GPC3: variants seen among roughly 807,000 people sequenced by gnomAD.
GPC3 encodes the protein glypican 3.
Under a neutral mutation model 34.4 loss-of-function variants are expected in GPC3, and 3 were observed. The observed-to-expected ratio is 0.09, with a 90% confidence interval of 0.04 to 0.23. The LOEUF is 0.23. GPC3 is among the 10% of genes least tolerant of loss of function. The probability of loss-of-function intolerance (pLI) is 1.00; values close to 1 mark genes in which losing one functional copy is unlikely to be tolerated. For synonymous variants in GPC3, 177 were observed against 174.0 expected, an observed-to-expected ratio of 1.02 and a Z score of -0.13; for missense variants, 351 against 445.6, an observed-to-expected ratio of 0.79 and a Z score of 1.91.
intron 2 of GPC3, among the ~76,000 whole-genome samples, chrX:133,762,469 G>T (rs887026646): frequency 5.4e-5 from 6 of 111,532 alleles, no homozygotes; most frequent in African/African-American, 1.6e-4. Flanking sequence ...ACTATGCATC[G>T]ACAAAGGTCT....
At chrX:133,616,443 C>A (rs1005278827) in intron 6 of GPC3, among the ~76,000 whole-genome samples, 2 of 111,516 alleles carry the variant, frequency 1.8e-5, no homozygotes, top group African/African-American at 3.3e-5. Context: ...TGGAAACACT[C>A]TTCAAATTGA....
chrX:133,550,311 G>C (rs781110396), intron 7 of GPC3, among the ~76,000 whole-genome samples: 4 of 110,864 alleles, frequency 3.6e-5, no homozygotes, highest in Non-Finnish European at 7.6e-5. Flanking sequence ...CACTGTGACC[G>C]GCCCCACAAT....
chrX:133,883,808 A>T (rs1406575506), intron 2 of GPC3, among the ~76,000 whole-genome samples: 2 of 112,063 alleles, frequency 1.8e-5, no homozygotes, highest in African/African-American at 6.5e-5. Context: ...AAGAAATGTT[A>T]TTCTTCAACA....
intron 2 of GPC3, among the ~76,000 whole-genome samples, chrX:133,756,769 G>A (rs1226050941): frequency 8.9e-6 from 1 of 112,647 alleles, no homozygotes; most frequent in Non-Finnish European, 1.9e-5. Context: ...AAGCTCATAT[G>A]TGCTCCCTGC....
intron 2 of GPC3, among the ~76,000 whole-genome samples, chrX:133,926,481 A>G (rs2076275193): frequency 8.9e-6 from 1 of 112,576 alleles, no homozygotes; most frequent in South Asian, 3.7e-4. Context: ...AGGGACAAAA[A>G]CAAAACAATG....
At chrX:133,635,831 T>TA (rs59085251) in intron 6 of GPC3, among the ~76,000 whole-genome samples, 202 of 93,014 alleles carry the variant, frequency 2.2e-3, no homozygotes, top group Middle Eastern at 6.0e-3. Flanking sequence ...TGTGTGTACA[T>TA]AAAAAAAAAA....
intron 2 of GPC3, among the ~76,000 whole-genome samples, chrX:133,893,443 TTTTA>T (rs202234234): frequency 0.048 from 5,381 of 111,864 alleles, 314 homozygotes; most frequent in African/African-American, 0.16. Context: ...AATTTTTGTC[TTTTA>T]TTTATTCTTT....
intron 1 of GPC3, among the ~76,000 whole-genome samples, chrX:133,975,582 TGCCCAGCTCTATAGCAG>T (rs2124649099): frequency 9.0e-6 from 1 of 111,139 alleles, no homozygotes; most frequent in South Asian, 3.9e-4. Flanking sequence ...CTCCACATGG[TGCCCAGCTCTATAGCAG>T]GCCACAGTCA....
intron 7 of GPC3, among the ~76,000 whole-genome samples, chrX:133,590,192 A>G (rs1440366666): frequency 6.3e-5 from 7 of 111,610 alleles, no homozygotes; most frequent in Non-Finnish European, 5.6e-5. Context: ...ATGAGGATGC[A>G]GGAAGAAGGC....
chrX:133,829,220 A>G (rs745521175), intron 2 of GPC3, among the ~76,000 whole-genome samples: 1 of 112,330 alleles, frequency 8.9e-6, no homozygotes, highest in Non-Finnish European at 1.9e-5. Context: ...ACGTTATTAG[A>G]GACAAAAAAA....
intron 2 of GPC3, among the ~76,000 whole-genome samples, chrX:133,952,561 A>C (rs1485600626): frequency 8.9e-6 from 1 of 112,229 alleles, no homozygotes; most frequent in Non-Finnish European, 1.9e-5. Flanking sequence ...GCATGGTAAG[A>C]AGTGAGAGTC....
intron 6 of GPC3, among the ~76,000 whole-genome samples, chrX:133,613,501 C>A (rs2070131140): frequency 8.9e-6 from 1 of 111,908 alleles, no homozygotes; most frequent in Non-Finnish European, 1.9e-5. Context: ...GTTTTCTCAT[C>A]TGTAGAACAG....
intron 7 of GPC3, among the ~76,000 whole-genome samples, chrX:133,568,158 GAGA>G (rs2069597776): frequency 8.9e-6 from 1 of 112,183 alleles, no homozygotes; most frequent in South Asian, 3.7e-4. Context: ...TTTAGAAACA[GAGA>G]AGGACAGCTC....
chrX:133,841,244 A>G (rs1159943559), intron 2 of GPC3, among the ~76,000 whole-genome samples: 1 of 19,192 alleles, frequency 5.2e-5, no homozygotes, highest in Non-Finnish European at 1.9e-4. Flanking sequence ...TTTTTGGTAG[A>G]GATGGGGTCT....
chrX:133,630,668 T>C (rs1428629839), intron 6 of GPC3, among the ~76,000 whole-genome samples: 1 of 111,756 alleles, frequency 8.9e-6, no homozygotes, highest in African/African-American at 3.3e-5. Context: ...AATATTTGGC[T>C]GTCGACAAGC....
At chrX:133,757,457 A>G (rs73564944) in intron 2 of GPC3, among the ~76,000 whole-genome samples, 6,916 of 111,510 alleles carry the variant, frequency 0.062, 564 homozygotes, top group African/African-American at 0.21. Flanking sequence ...AGGACATATA[A>G]CCTATCACTG....
At chrX:133,821,036 G>A (rs780230311) in intron 2 of GPC3, among the ~76,000 whole-genome samples, 11 of 111,973 alleles carry the variant, frequency 9.8e-5, no homozygotes, top group East Asian at 5.6e-4. Context: ...GGGTTGTGCC[G>A]AAAAGCCAAA....
chrX:133,893,940 C>T (rs1386960964), intron 2 of GPC3, among the ~76,000 whole-genome samples: 1 of 110,910 alleles, frequency 9.0e-6, no homozygotes, highest in Non-Finnish European at 1.9e-5. Context: ...AGACCTCTGC[C>T]TCCCGGGTTC....
intron 2 of GPC3, among the ~76,000 whole-genome samples, chrX:133,758,639 C>A (rs1236705535): frequency 1.8e-5 from 2 of 110,535 alleles, no homozygotes; most frequent in Admixed American, 1.9e-4. Context: ...CAGTAAATCA[C>A]CATGGCACAC....
Sources: allele counts gnomAD v4.1 joint callset (sites outside exome capture counted in the v4.1 genomes callset), GRCh38; gene constraint gnomAD v4.1.1; transcripts MANE v1.5; gene names NCBI Gene and HGNC (gene_info 2026-07-23, HGNC 2026-07-21).